Variants in SNU13 observed in about 807,000 individuals in gnomAD.
The protein encoded by SNU13 is NHP2-like protein 1.
A neutral mutation model predicts 12.4 loss-of-function variants in SNU13; 2 were observed. The ratio of observed to expected loss-of-function variants is 0.16; its 90% CI spans 0.07 to 0.51. The LOEUF is 0.51. Among genes scored for constraint, SNU13 ranks in the 20% least tolerant of loss-of-function variants. The pLI, the probability that SNU13 is intolerant of heterozygous loss-of-function variation, is 0.96. For missense variants in SNU13, 66 were observed against 157.8 expected (o/e 0.42, Z 3.12); for synonymous variants, 68 against 66.5 (o/e 1.02, Z -0.11).
upstream of SNU13, among the ~76,000 whole-genome samples, chr22:41,689,541 CTG>C (rs1222972976): frequency 1.3e-5 from 2 of 152,024 alleles, no homozygotes; most frequent in Non-Finnish European, 1.5e-5. Flanking sequence ...TGGCGGGCGC[CTG>C]TAGTCCCAGC....
At chr22:41,676,123 G>A (rs1471252369) in intron 2 of SNU13, among the ~76,000 whole-genome samples, 2 of 152,042 alleles carry the variant, frequency 1.3e-5, no homozygotes, top group Non-Finnish European at 2.9e-5. Flanking sequence ...ACCCCCACCA[G>A]CAAGTAGTAG....
At chr22:41,680,417 C>A (rs1334625625) in intron 1 of SNU13, 53 bp from the exon 2 acceptor site, 2 of 1,578,232 alleles carry the variant, frequency 1.3e-6, no homozygotes, top group South Asian at 2.3e-5. Flanking sequence ...GTTTTCCTAC[C>A]TGAGTCACAA....
At chr22:41,680,421 G>A in intron 1 of SNU13, 57 bp from the exon 2 acceptor site, 1 of 1,572,428 alleles carries the variant, frequency 6.4e-7, no homozygotes, top group Non-Finnish European at 8.7e-7. Flanking sequence ...TCCTACCTGA[G>A]TCACAAAATA....
upstream of SNU13, chr22:41,689,041 GC>G: frequency 8.0e-7 from 1 of 1,248,698 alleles, no homozygotes; most frequent in Non-Finnish European, 1.0e-6. Flanking sequence ...CAAATTATTG[GC>G]AGAAACAATG....
upstream of SNU13, chr22:41,688,999 C>G (rs530862820): frequency 7.0e-4 from 925 of 1,313,324 alleles, 2 homozygotes; most frequent in Middle Eastern, 1.2e-3. Context: ...GAAGAAGGAA[C>G]GTACTTTGGC....
chr22:41,690,005 A>T (rs1601579731), upstream of SNU13, among the ~76,000 whole-genome samples: 1 of 151,958 alleles, frequency 6.6e-6, no homozygotes, highest in East Asian at 1.9e-4. Context: ...AATTCCAGCC[A>T]CTAAACAGTT....
chr22:41,675,666 C>T (rs1360534440), intron 2 of SNU13, among the ~76,000 whole-genome samples: 1 of 151,988 alleles, frequency 6.6e-6, no homozygotes, highest in Non-Finnish European at 1.5e-5. Context: ...AAGTGATCCA[C>T]CCACCTCGGC....
Position 41,674,574 on chromosome 22 carries a change from C to A in SNU13, c.*359G>T. 3.8e-6 allele frequency: 1 copy of A among 260,066 alleles called. No homozygotes were observed. Among genetic ancestry groups the A allele is most frequent in the Non-Finnish European group, 7.5e-6 (1 of 133,116 alleles). 16.1% of individuals were successfully genotyped at this position (260,066 alleles called of 1,614,324 possible). A position where few individuals can be genotyped will look rare whatever the true frequency, so the allele number is the denominator to read the frequency against. ...TGCTGTTTAATTCCACCACACCCCG[C>A]ACACAACAGGAAGCTAGTGGCTGAA... On this transcript the variant is annotated 3_prime_UTR_variant, in exon 3 of 3. Coordinates refer to ENST00000401959, the MANE Select transcript of SNU13 (RefSeq NM_001003796.2).
chr22:41,678,281 A>AGGCCG (rs2068232340), intron 2 of SNU13, among the ~76,000 whole-genome samples: 1 of 152,128 alleles, frequency 6.6e-6, no homozygotes, highest in African/African-American at 2.4e-5. Flanking sequence ...GGCCTCTTAC[A>AGGCCG]GCATTCTTTA....
At chr22:41,685,899 CAG>C (rs946700761) in intron 1 of SNU13, among the ~76,000 whole-genome samples, 1 of 149,792 alleles carries the variant, frequency 6.7e-6, no homozygotes, top group African/African-American at 2.5e-5. Context: ...ACCAAGGAGA[CAG>C]AGGTTTCAGT....
At chr22:41,687,952 G>A (rs1053344919) in intron 1 of SNU13, 1 of 152,210 alleles carries the variant, frequency 6.6e-6, no homozygotes, top group Admixed American at 6.5e-5. Flanking sequence ...CATGGGAGGA[G>A]GTTTGTGGGG....
upstream of SNU13, among the ~76,000 whole-genome samples, chr22:41,689,951 C>T (rs2068346945): frequency 6.6e-6 from 1 of 150,702 alleles, no homozygotes; most frequent in African/African-American, 2.4e-5. Flanking sequence ...GCACTCCAGC[C>T]TGGGCAACAA....
intron 1 of SNU13, among the ~76,000 whole-genome samples, chr22:41,683,523 G>A (rs1569110069): frequency 1.3e-5 from 2 of 152,100 alleles, no homozygotes; most frequent in African/African-American, 4.8e-5. Context: ...TTACAGGTGT[G>A]AGCCACTGTG....
intron 2 of SNU13, among the ~76,000 whole-genome samples, chr22:41,678,794 C>G (rs1289279436): frequency 6.6e-6 from 1 of 152,158 alleles, no homozygotes; most frequent in South Asian, 2.1e-4. Flanking sequence ...AGCACTACGA[C>G]GAGACCCACA....
At chr22:41,678,350 G>A (rs1392353570) in intron 2 of SNU13, among the ~76,000 whole-genome samples, 1 of 152,118 alleles carries the variant, frequency 6.6e-6, no homozygotes, top group Non-Finnish European at 1.5e-5. Context: ...AGAAGGCAGA[G>A]ACTTCATTTT....
chr22:41,677,979 C>CT (rs1260598847), intron 2 of SNU13, among the ~76,000 whole-genome samples: 11,225 of 143,784 alleles, frequency 0.078, 1,039 homozygotes, highest in African/African-American at 0.23. Context: ...TTACAGCATT[C>CT]TTTTTTTTTT....
At chr22:41,681,352 T>A (rs2068261404) in intron 1 of SNU13, 1 of 152,246 alleles carries the variant, frequency 6.6e-6, no homozygotes, top group Non-Finnish European at 1.5e-5. Context: ...ACAAGTAGAT[T>A]TATTTTGTAG....
intron 2 of SNU13, among the ~76,000 whole-genome samples, chr22:41,676,825 T>C (rs2068218675): frequency 6.6e-6 from 1 of 152,230 alleles, no homozygotes. Flanking sequence ...GTCAGCCTTT[T>C]TCTTTGCCTT....
At chr22:41,685,423 G>A (rs949780929) in intron 1 of SNU13, among the ~76,000 whole-genome samples, 3 of 151,716 alleles carry the variant, frequency 2.0e-5, no homozygotes, top group Admixed American at 6.6e-5. Context: ...GCACAATCTC[G>A]GCTCACCGCA....
Sources: allele counts gnomAD v4.1 joint callset (sites outside exome capture counted in the v4.1 genomes callset), GRCh38; gene constraint gnomAD v4.1.1; transcripts MANE v1.5; gene names NCBI Gene and HGNC (gene_info 2026-07-23, HGNC 2026-07-21).